Variants in CMPK1 observed in about 807,000 individuals in gnomAD.
CMPK1 encodes UMP-CMP kinase.
In CMPK1, 10 loss-of-function variants were observed where a neutral mutation model predicts 25.7. That is an observed-to-expected ratio of 0.39 (90% CI 0.24 to 0.66). The LOEUF is 0.66. Among genes scored for constraint, CMPK1 ranks in the 30% least tolerant of loss-of-function variants. The probability of loss-of-function intolerance (pLI) is 0.48; values close to 1 mark genes in which losing one functional copy is unlikely to be tolerated. For missense variants in CMPK1, 199 were observed against 280.5 expected, an observed-to-expected ratio of 0.71 and a Z score of 2.08; for synonymous variants, 106 against 101.5, an observed-to-expected ratio of 1.04 and a Z score of -0.27.
At chr1:47,376,617 A>G in intron 5 of CMPK1, 87 bp from the exon 6 acceptor site, 1 of 867,290 alleles carries the variant, frequency 1.2e-6, no homozygotes, top group Non-Finnish European at 1.8e-6. Context: ...CGCCCCGCCA[A>G]ATTTGATTAT....
intron 1 of CMPK1, among the ~76,000 whole-genome samples, chr1:47,366,290 T>C (rs1234133805): frequency 6.6e-6 from 1 of 152,208 alleles, no homozygotes; most frequent in Non-Finnish European, 1.5e-5. Flanking sequence ...TTTAAGACTG[T>C]TGTTAGTTAC....
intron 1 of CMPK1, among the ~76,000 whole-genome samples, chr1:47,344,750 C>T (rs1646470461): frequency 1.3e-5 from 2 of 152,134 alleles, no homozygotes; most frequent in South Asian, 2.1e-4. Flanking sequence ...CTGCCTGCCT[C>T]ACCTTCCACA....
At chr1:47,375,082 G>C in intron 4 of CMPK1, 97 bp downstream of exon 4, 1 of 1,278,434 alleles carries the variant, frequency 7.8e-7, no homozygotes, top group Non-Finnish European at 1.1e-6. Flanking sequence ...AAAATGGCTT[G>C]TTTAAGATGT....
At chr1:47,334,519 T>C in intron 1 of CMPK1, among the ~76,000 whole-genome samples, 1 of 152,230 alleles carries the variant, frequency 6.6e-6, no homozygotes, top group African/African-American at 2.4e-5. Context: ...AGAGGCCGTG[T>C]GCGCCCACAG....
intron 1 of CMPK1, among the ~76,000 whole-genome samples, chr1:47,364,644 ATATAAAT>A (rs986393131): frequency 8.1e-4 from 120 of 148,166 alleles, no homozygotes; most frequent in African/African-American, 2.9e-3. Context: ...ATATATAATA[ATATAAAT>A]TATATACTAT....
rs901172161 is a variant in CMPK1 at position 47,345,325 on chromosome 1, T to G, written c.171+11209T>G. Among the ~76,000 whole-genome samples the G allele has an allele frequency of 2.0e-5, 3 of 152,112 alleles. No homozygotes were observed. In the East Asian group the frequency reaches 5.8e-4, roughly 29 times the overall value. ...GATGCCCTTAGTGTCTCAGTTTTTT[T>G]TTTTCATAGAAACTCTAGTGCAAAA... On this transcript the variant is annotated intron_variant, in intron 1 of 5. Transcript: ENST00000371873.
intron 1 of CMPK1, among the ~76,000 whole-genome samples, chr1:47,340,304 CA>C (rs749595776): frequency 0.028 from 3,487 of 123,482 alleles, 74 homozygotes; most frequent in African/African-American, 0.07. Flanking sequence ...GACTCCGTCT[CA>C]AAAAAAAAAA....
intron 1 of CMPK1, among the ~76,000 whole-genome samples, chr1:47,343,026 G>T (rs1218699987): frequency 7.0e-6 from 1 of 143,102 alleles, no homozygotes; most frequent in African/African-American, 2.6e-5. Context: ...TTGCTCTGTC[G>T]CCCAGGCTAG....
At chr1:47,355,168 T>C (rs59163203) in intron 1 of CMPK1, among the ~76,000 whole-genome samples, 2,446 of 151,992 alleles carry the variant, frequency 0.016, 73 homozygotes, top group African/African-American at 0.056. Flanking sequence ...CGCCTCAGCC[T>C]CCCAAGTAGC....
At chr1:47,339,302 G>T (rs558703720) in intron 1 of CMPK1, among the ~76,000 whole-genome samples, 3 of 151,960 alleles carry the variant, frequency 2.0e-5, no homozygotes, top group African/African-American at 7.3e-5. Context: ...GAGCCTTTGC[G>T]CCTGGCCTCA....
intron 2 of CMPK1, among the ~76,000 whole-genome samples, chr1:47,371,062 G>A (rs1175627015): frequency 6.6e-6 from 1 of 152,102 alleles, no homozygotes; most frequent in Non-Finnish European, 1.5e-5. Context: ...ATCATTAACA[G>A]GTATTTTCAC....
rs375905534 is a variant in CMPK1 at position 47,372,082 on chromosome 1, C to T, written c.319-873C>T. ...CTCTGTCATCACCTTAGTTCACATCCTCTTTTTTCCTATTTTTTTTTTTTT... is the reference window on the plus strand; with the variant it reads ...CTCTGTCATCACCTTAGTTCACATCTTCTTTTTTCCTATTTTTTTTTTTTT... On this transcript the variant is annotated intron_variant, in intron 2 of 5. Transcript: ENST00000371873. Among the ~76,000 whole-genome samples the T allele has an allele frequency of 3.3e-5, 5 of 151,706 alleles. No homozygotes were observed. The South Asian group carries it at 1.0e-3, about 31-fold the overall frequency.
chr1:47,373,283 A>AT (rs1311074795), intron 3 of CMPK1, 176 bp downstream of exon 3: 1 of 440,672 alleles, frequency 2.3e-6, no homozygotes, highest in African/African-American at 2.0e-5. Flanking sequence ...ACTATTTGGC[A>AT]TTAGCAGCCT....
chr1:47,360,640 C>A (rs1235052999), intron 1 of CMPK1, among the ~76,000 whole-genome samples: 1 of 152,222 alleles, frequency 6.6e-6, no homozygotes, highest in Non-Finnish European at 1.5e-5. Flanking sequence ...AGGCTCAAGT[C>A]ATTTTATAGA....
chr1:47,348,549 T>C lies in CMPK1; in HGVS notation c.171+14433T>C, dbSNP rs578262852. ...AAAAGCACCAGTTGTTACTTACTAG[T>C]CTCAGAGGCCTTCACTTTGAGGGAC... is the stretch of plus-strand genomic sequence containing the variant. On this transcript the variant is annotated intron_variant, in intron 1 of 5. Transcript: ENST00000371873. Among the ~76,000 whole-genome samples the C allele has an allele frequency of 3.3e-5, 5 of 152,312 alleles. No homozygotes were observed. The East Asian group carries it at 9.6e-4, about 29-fold the overall frequency.
intron 1 of CMPK1, chr1:47,358,922 T>TG (rs2149330795): frequency 3.0e-6 from 3 of 985,430 alleles, no homozygotes; most frequent in African/African-American, 1.7e-5. Context: ...CTTTACATGT[T>TG]GCATTTTCAA....
chr1:47,369,084 G>A (rs985039230), intron 2 of CMPK1, among the ~76,000 whole-genome samples: 1 of 152,184 alleles, frequency 6.6e-6, no homozygotes, highest in Admixed American at 6.5e-5. Flanking sequence ...GCTTGCTGCA[G>A]CCTCAACCTT....
rs184182225 is a variant in CMPK1 at position 47,366,792 on chromosome 1, T to G, written c.172-1677T>G. 1.2e-3 allele frequency among the ~76,000 whole-genome samples: 177 copies of G among 152,214 alleles called. 1 individual carries two copies. Among genetic ancestry groups the G allele is most frequent in the African/African-American group, 4.1e-3 (170 of 41,542 alleles). On this transcript the variant is annotated intron_variant, in intron 1 of 5. Coordinates refer to ENST00000371873, the MANE Select transcript of CMPK1 (RefSeq NM_016308.3). ...CAGGCTGGAGTGCAGTGGTGTGATC[T>G]TGGCTCACTGCAACTTCTGCTGCCT...
intron 2 of CMPK1, among the ~76,000 whole-genome samples, chr1:47,372,193 A>G (rs1402571859): frequency 1.3e-5 from 2 of 151,468 alleles, no homozygotes; most frequent in African/African-American, 4.9e-5. Context: ...TCCTGGGTTC[A>G]AGCATTTCTC....
Sources: allele counts gnomAD v4.1 joint callset (sites outside exome capture counted in the v4.1 genomes callset), GRCh38; gene constraint gnomAD v4.1.1; transcripts MANE v1.5; gene names NCBI Gene and HGNC (gene_info 2026-07-23, HGNC 2026-07-21).